MYO10: variants seen among roughly 807,000 people sequenced by gnomAD.
MYO10 encodes unconventional myosin-X.
MYO10 carries 133 observed loss-of-function variants against 257.3 expected under a neutral mutation model. The ratio of observed to expected loss-of-function variants is 0.52; its 90% CI spans 0.45 to 0.60. The LOEUF (loss-of-function observed/expected upper bound fraction) is 0.60. Among genes scored for constraint, MYO10 ranks in the 20% least tolerant of loss-of-function variants. The pLI is 0.00. For synonymous variants in MYO10, 1,104 were observed against 1,028.6 expected (o/e 1.07, Z -1.40); for missense variants, 2,399 against 2,635.7 (o/e 0.91, Z 1.97).
intron 2 of MYO10, among the ~76,000 whole-genome samples, chr5:16,823,097 G>A (rs1048551070): frequency 6.6e-6 from 1 of 151,818 alleles, no homozygotes; most frequent in African/African-American, 2.4e-5. Flanking sequence ...CAATTAGCAG[G>A]GTATTAGTCG....
intron 29 of MYO10, among the ~76,000 whole-genome samples, chr5:16,685,396 G>C (rs767991482): frequency 6.6e-6 from 1 of 151,844 alleles, no homozygotes; most frequent in Non-Finnish European, 1.5e-5. Context: ...TTTTTTCATA[G>C]AGGCAGTGTC....
intron 27 of MYO10, among the ~76,000 whole-genome samples, chr5:16,691,771 T>C (rs1029344360): frequency 6.6e-6 from 1 of 151,446 alleles, no homozygotes; most frequent in Admixed American, 6.6e-5. Flanking sequence ...CTCTAAGCCT[T>C]CTTAACAGAA....
rs1164045733 is a variant in MYO10 at position 16,665,236 on chromosome 5, A to C, written c.*1456T>G. ...AAAAAAAAAAACCACCAAAAAGCCA[A>C]AACAAAAATAAGCCTCCCCTCCATG... On this transcript the variant is annotated 3_prime_UTR_variant, in exon 41 of 41. Coordinates refer to ENST00000513610, the MANE Select transcript of MYO10 (RefSeq NM_012334.3). The C allele has an allele frequency of 2.0e-5, 3 of 151,666 alleles. No homozygotes were observed. The allele number at this position is 151,666 out of a possible 1,614,324, so 9.4% of individuals were successfully genotyped here.
chr5:16,723,830 T>C (rs963565188), intron 19 of MYO10, among the ~76,000 whole-genome samples: 1 of 152,146 alleles, frequency 6.6e-6, no homozygotes, highest in Non-Finnish European at 1.5e-5. Flanking sequence ...GCATACATAG[T>C]GCTAGGTGAA....
At chr5:16,905,327 A>G (rs957256056) in intron 1 of MYO10, among the ~76,000 whole-genome samples, 3 of 152,186 alleles carry the variant, frequency 2.0e-5, no homozygotes, top group Admixed American at 6.5e-5. Context: ...TTCGGAGGAC[A>G]ACAATCTCCC....
At chr5:16,825,763 TA>T (rs1742981229) in intron 2 of MYO10, among the ~76,000 whole-genome samples, 1 of 152,170 alleles carries the variant, frequency 6.6e-6, no homozygotes, top group East Asian at 1.9e-4. Context: ...GCATGAGAAT[TA>T]CTTGAGCCCA....
At chr5:16,677,037 C>T (rs185476475) in intron 33 of MYO10, among the ~76,000 whole-genome samples, 1 of 152,188 alleles carries the variant, frequency 6.6e-6, no homozygotes, top group Admixed American at 6.5e-5. Flanking sequence ...ACTGTCCTTC[C>T]ACGTGCCACC....
At chr5:16,932,575 AGCATAC>A (rs1276700479) in intron 1 of MYO10, among the ~76,000 whole-genome samples, 3 of 152,156 alleles carry the variant, frequency 2.0e-5, no homozygotes, top group Admixed American at 2.0e-4. Context: ...GCTTCCCCAA[AGCATAC>A]ACACAATTAA....
chr5:16,673,570 A>C, intron 36 of MYO10, 112 bp downstream of exon 36: 1 of 1,147,202 alleles, frequency 8.7e-7, no homozygotes, highest in Non-Finnish European at 1.3e-6. Flanking sequence ...AGCTGTACTA[A>C]GCAAACTGCA....
At position 16,902,549 on chromosome 5, in the gene MYO10, G is replaced by C; in HGVS notation, c.22-24842C>G. ...CGAATTTCTTGATGGCCTTGTCCTTGGGCACGCATCGGGCACAGTTAGTGC... is the reference window on the plus strand; with the variant it reads ...CGAATTTCTTGATGGCCTTGTCCTTCGGCACGCATCGGGCACAGTTAGTGC... On this transcript the variant is annotated intron_variant, in intron 1 of 40. Transcript: ENST00000513610. The C allele has an allele frequency of 1.9e-6, 3 of 1,579,990 alleles. No homozygotes were observed. In the South Asian group the frequency reaches 3.3e-5, roughly 17 times the overall value.
chr5:16,934,026 TGAA>T (rs1217713925), intron 1 of MYO10, among the ~76,000 whole-genome samples: 1 of 152,114 alleles, frequency 6.6e-6, no homozygotes, highest in Non-Finnish European at 1.5e-5. Context: ...GTCTACAAAA[TGAA>T]GAGGAGAAAG....
intron 29 of MYO10, among the ~76,000 whole-genome samples, chr5:16,685,118 T>C (rs763140961): frequency 6.6e-6 from 1 of 152,162 alleles, no homozygotes; most frequent in Non-Finnish European, 1.5e-5. Context: ...TGTACTTCCG[T>C]GACTTCATAA....
At chr5:16,925,210 GT>G (rs1410517060) in intron 1 of MYO10, among the ~76,000 whole-genome samples, 1 of 152,142 alleles carries the variant, frequency 6.6e-6, no homozygotes, top group Non-Finnish European at 1.5e-5. Context: ...CTTAACAAAT[GT>G]TTTGAATAAT....
intron 1 of MYO10, among the ~76,000 whole-genome samples, chr5:16,880,736 A>G (rs1404254751): frequency 6.6e-6 from 1 of 152,200 alleles, no homozygotes; most frequent in Non-Finnish European, 1.5e-5. Flanking sequence ...GATAACACAC[A>G]TGAAGAATGA....
chr5:16,669,106 C>T (rs1323143861), intron 39 of MYO10, among the ~76,000 whole-genome samples: 2 of 152,142 alleles, frequency 1.3e-5, no homozygotes, highest in African/African-American at 4.8e-5. Context: ...CTGATCCAAA[C>T]CTGGACAAGC....
rs977092578 is a variant in MYO10, at chr5:16,663,023, T to A, written c.*3669A>T. On this transcript the variant is annotated 3_prime_UTR_variant, in exon 41 of 41. Coordinates refer to ENST00000513610, the MANE Select transcript of MYO10 (RefSeq NM_012334.3). ...GAATGGACTAATACAGATGGCCTTA[T>A]CCTGTTTTTCCACAGAGCTATCTGA... 1 of 152,226 alleles carries A rather than the reference T, an allele frequency of 6.6e-6. No homozygotes were observed. The highest frequency in any genetic ancestry group is 2.4e-5 in the African/African-American group (1 of 41,432). The allele number at this position is 152,226 out of a possible 1,614,324, so 9.4% of individuals were successfully genotyped here. A position where few individuals can be genotyped will look rare whatever the true frequency, so the allele number is the denominator to read the frequency against.
intron 27 of MYO10, among the ~76,000 whole-genome samples, chr5:16,692,237 A>G (rs927169783): frequency 1.3e-5 from 2 of 152,090 alleles, no homozygotes; most frequent in Non-Finnish European, 2.9e-5. Context: ...CCTGGCCAAT[A>G]TGTGAAACCC....
At chr5:16,785,631 A>T (rs1388444020) in intron 4 of MYO10, among the ~76,000 whole-genome samples, 1 of 152,218 alleles carries the variant, frequency 6.6e-6, no homozygotes, top group Non-Finnish European at 1.5e-5. Flanking sequence ...GCACCATGGG[A>T]GGCTGAGGCG....
At chr5:16,932,373 G>C (rs1173030487) in intron 1 of MYO10, among the ~76,000 whole-genome samples, 1 of 152,052 alleles carries the variant, frequency 6.6e-6, no homozygotes, top group Non-Finnish European at 1.5e-5. Context: ...ACTGTACTTG[G>C]CCCTGAAGAC....
Sources: allele counts gnomAD v4.1 joint callset (sites outside exome capture counted in the v4.1 genomes callset), GRCh38; gene constraint gnomAD v4.1.1; transcripts MANE v1.5; gene names NCBI Gene and HGNC (gene_info 2026-07-23, HGNC 2026-07-21).